The following TECPR2 variants were observed in gnomAD, a reference collection of about 807,000 sequenced individuals.
TECPR2 encodes the protein tectonin beta-propeller repeat containing 2, also known as tectonin beta-propeller repeat-containing protein 2.
In TECPR2, 65 loss-of-function variants were observed where a neutral mutation model predicts 138.1. The ratio of observed to expected loss-of-function variants is 0.47; its 90% CI spans 0.39 to 0.58. TECPR2 has a LOEUF of 0.58. Ranked by LOEUF, TECPR2 falls within the 20% of genes least tolerant of loss-of-function variation. TECPR2 has a pLI of 0.00. For synonymous variants in TECPR2, 746 were observed against 749.8 expected, an observed-to-expected ratio of 0.99 and a Z score of 0.08; for missense variants, 1,553 against 1,824.5, an observed-to-expected ratio of 0.85 and a Z score of 2.71.
At chr14:102,373,075 G>T (rs1055780054) in intron 1 of TECPR2, among the ~76,000 whole-genome samples, 1 of 152,052 alleles carries the variant, frequency 6.6e-6, no homozygotes, top group Non-Finnish European at 1.5e-5. Context: ...CTGTGCCTTG[G>T]AAAGAAGAAT....
At chr14:102,429,918 AG>A (rs967982930) in intron 7 of TECPR2, among the ~76,000 whole-genome samples, 8 of 152,176 alleles carry the variant, frequency 5.3e-5, no homozygotes. Context: ...CTTGCAATAT[AG>A]CAAGTGCAGC....
At chr14:102,384,023 G>C (rs879517400) in intron 2 of TECPR2, among the ~76,000 whole-genome samples, 18 of 150,972 alleles carry the variant, frequency 1.2e-4, no homozygotes, top group Admixed American at 1.1e-3. Context: ...CGATTCAAGC[G>C]ATTCTTCTGC....
chr14:102,375,160 C>G (rs1887612361), intron 1 of TECPR2, among the ~76,000 whole-genome samples: 1 of 152,138 alleles, frequency 6.6e-6, no homozygotes. Context: ...GCCTGGGCAA[C>G]ACAGCGAGAC....
chr14:102,431,520 T>C (rs1889478633), intron 7 of TECPR2, among the ~76,000 whole-genome samples: 1 of 152,084 alleles, frequency 6.6e-6, no homozygotes, highest in Non-Finnish European at 1.5e-5. Flanking sequence ...TTTTTTGTAT[T>C]TTTAGTAGAG....
intron 6 of TECPR2, among the ~76,000 whole-genome samples, chr14:102,426,568 A>G (rs991444468): frequency 2.0e-5 from 3 of 152,218 alleles, no homozygotes; most frequent in African/African-American, 7.2e-5. Flanking sequence ...AACAGTTTTC[A>G]GCCAGGCGCA....
At chr14:102,465,061 A>G in intron 16 of TECPR2, 80 bp from the exon 17 acceptor site, 2 of 1,532,662 alleles carry the variant, frequency 1.3e-6, no homozygotes, top group Non-Finnish European at 1.8e-6. Flanking sequence ...TGAAGTAGAA[A>G]ATCAAAGTTC....
intron 17 of TECPR2, among the ~76,000 whole-genome samples, chr14:102,466,760 G>C (rs1437230247): frequency 3.9e-5 from 6 of 152,200 alleles, no homozygotes; most frequent in African/African-American, 1.4e-4. Flanking sequence ...AATTCCAGAG[G>C]GTTCCCATCA....
intron 2 of TECPR2, among the ~76,000 whole-genome samples, chr14:102,383,857 A>G (rs1347363651): frequency 2.0e-5 from 3 of 151,924 alleles, no homozygotes; most frequent in Non-Finnish European, 4.4e-5. Flanking sequence ...ACCAATAATT[A>G]GTTCTCTATC....
At chr14:102,453,019 G>C (rs1163997196) in intron 16 of TECPR2, among the ~76,000 whole-genome samples, 1 of 152,204 alleles carries the variant, frequency 6.6e-6, no homozygotes. Flanking sequence ...TCAGTGCCAC[G>C]TTTGTCTATC....
intron 6 of TECPR2, among the ~76,000 whole-genome samples, chr14:102,427,001 G>C (rs56005503): frequency 0.018 from 2,775 of 152,278 alleles, 40 homozygotes; most frequent in Non-Finnish European, 0.029. Context: ...GCCCGGGGTG[G>C]GGGGCAGAAC....
At position 102,434,158 on chromosome 14, in the gene TECPR2, A is replaced by C. The variant is rs537599817; in HGVS notation, c.1418-77A>C. 7.3e-5 allele frequency: 95 copies of C among 1,306,788 alleles called. 1 individual carries two copies. In the South Asian group the frequency reaches 2.9e-3, roughly 40 times the overall value. 80.9% of individuals were successfully genotyped at this position (1,306,788 alleles called of 1,614,324 possible). On this transcript the variant is annotated intron_variant, in intron 8 of 19. Coordinates refer to ENST00000359520, the MANE Select transcript of TECPR2 (RefSeq NM_014844.5). ...ATTTAAAATTTTTTTTCTTGAGCCA[A>C]AAATATGTGTGCAAGTTAGTCTCTT...
At chr14:102,369,689 C>A (rs929775152) in intron 1 of TECPR2, among the ~76,000 whole-genome samples, 1 of 152,060 alleles carries the variant, frequency 6.6e-6, no homozygotes, top group African/African-American at 2.4e-5. Flanking sequence ...CGCCTGTAAT[C>A]CCAGCACTTT....
At position 102,363,048 on chromosome 14, in the gene TECPR2, C is replaced by G. The variant is rs1887220824; in HGVS notation, c.-141C>G. 2 of 625,462 alleles carry G rather than the reference C, an allele frequency of 3.2e-6. No homozygotes were observed. Among genetic ancestry groups the G allele is most frequent in the Non-Finnish European group, 5.2e-6 (2 of 382,960 alleles). 38.7% of individuals were successfully genotyped at this position (625,462 alleles called of 1,614,324 possible). On this transcript the variant is annotated 5_prime_UTR_variant, in exon 1 of 20. Coordinates refer to ENST00000359520, the MANE Select transcript of TECPR2 (RefSeq NM_014844.5). ...GGGAACAGGCTCCCGGCAGCCCCCG[C>G]GGCCCGGAGTCCATCCCGCCTCCTC...
Position 102,377,912 on chromosome 14 carries a change from C to T in TECPR2, c.219+972C>T, listed in dbSNP as rs138199741. 1.6e-4 allele frequency among the ~76,000 whole-genome samples: 25 copies of T among 152,304 alleles called. No homozygotes were observed. In the East Asian group the frequency reaches 4.8e-3, roughly 29 times the overall value. On this transcript the variant is annotated intron_variant, in intron 2 of 19. Transcript: ENST00000359520. The stretch of plus-strand genomic sequence containing the variant: ...ATTGGCTCATTGCCAGAATATGCAC[C>T]TCTTAGCTGAGCTGAGGTCTCTTCT...
chr14:102,404,343 A>C lies in TECPR2; in HGVS notation c.220-2995A>C, dbSNP rs577371981. On this transcript the variant is annotated intron_variant, in intron 2 of 19. Coordinates refer to ENST00000359520, the MANE Select transcript of TECPR2 (RefSeq NM_014844.5). ...AAATTTATTCTAAAATTCATATGGG[A>C]TCTCAGGAGAACCTGAAAAGCCCCA... is the stretch of plus-strand genomic sequence containing the variant. 4.2e-3 allele frequency among the ~76,000 whole-genome samples: 644 copies of C among 152,284 alleles called. 4 individuals are homozygous for C. Among genetic ancestry groups the C allele is most frequent in the Non-Finnish European group, 7.1e-3 (482 of 68,020 alleles).
chr14:102,480,331 TCTC>T (rs1890862702), intron 17 of TECPR2, among the ~76,000 whole-genome samples: 1 of 151,904 alleles, frequency 6.6e-6, no homozygotes, highest in Admixed American at 6.6e-5. Context: ...TTCACGCCAT[TCTC>T]CTGCCTCAGC....
chr14:102,458,534 G>C (rs1475843438), intron 16 of TECPR2, among the ~76,000 whole-genome samples: 1 of 152,078 alleles, frequency 6.6e-6, no homozygotes, highest in Non-Finnish European at 1.5e-5. Flanking sequence ...GTGCGTTGGG[G>C]ACTCCAGCCA....
rs1319896318 is a variant in TECPR2 at position 102,420,333 on chromosome 14, CA to C, written c.639-4645del. On this transcript the variant is annotated intron_variant, in intron 5 of 19. Transcript: ENST00000359520. The surrounding 1 kb of genome is among the most constrained non-coding windows in gnomAD (Gnocchi z 4.1). The stretch of plus-strand genomic sequence containing the variant: ...AAAGTTGGAGCTTCAGTGTCAAATT[CA>C]GAAAGCACCAGCAAGTACTGCAGAA... Among the ~76,000 whole-genome samples the C allele has an allele frequency of 6.6e-6, 1 of 152,206 alleles. No individual in the cohort carries two copies. The highest frequency in any genetic ancestry group is 2.4e-5 in the African/African-American group (1 of 41,466).
chr14:102,430,958 G>A (rs1251376343), intron 7 of TECPR2, among the ~76,000 whole-genome samples: 1 of 151,834 alleles, frequency 6.6e-6, no homozygotes, highest in Non-Finnish European at 1.5e-5. Context: ...TTATACACAG[G>A]CATCTCTCAT....
Sources: allele counts gnomAD v4.1 joint callset (sites outside exome capture counted in the v4.1 genomes callset), GRCh38; gene constraint gnomAD v4.1.1; non-coding constraint Gnocchi (gnomAD v3.1); transcripts MANE v1.5; gene names NCBI Gene and HGNC (gene_info 2026-07-23, HGNC 2026-07-21).